OSBPL9: variants seen among roughly 807,000 people sequenced by gnomAD.
The protein encoded by OSBPL9 is oxysterol binding protein like 9, also known as oxysterol-binding protein-related protein 9.
Under a neutral mutation model 106.6 loss-of-function variants are expected in OSBPL9, and 40 were observed. The ratio of observed to expected loss-of-function variants is 0.38; its 90% CI spans 0.29 to 0.49. The LOEUF is 0.49. Among genes scored for constraint, OSBPL9 ranks in the 20% least tolerant of loss-of-function variants. The pLI is 0.97. For missense variants in OSBPL9, 609 were observed against 887.2 expected, an observed-to-expected ratio of 0.69 and a Z score of 3.98; for synonymous variants, 269 against 295.4, an observed-to-expected ratio of 0.91 and a Z score of 0.92.
At chr1:51,776,156 TTTC>T (rs1414084434) in intron 14 of OSBPL9, among the ~76,000 whole-genome samples, 3 of 152,334 alleles carry the variant, frequency 2.0e-5, no homozygotes, top group South Asian at 4.1e-4. Flanking sequence ...TCTGTATTCT[TTTC>T]TTCTTTTTGT....
intron 9 of OSBPL9, chr1:51,756,604 G>T: frequency 4.5e-6 from 2 of 445,678 alleles, no homozygotes. Context: ...AACTTGAAGG[G>T]TTAATCATGG....
intron 1 of OSBPL9, among the ~76,000 whole-genome samples, chr1:51,643,668 T>C (rs1645952769): frequency 1.3e-5 from 2 of 152,140 alleles, no homozygotes; most frequent in Non-Finnish European, 2.9e-5. Flanking sequence ...TTTTGCTTGC[T>C]TGCTTGTTTT....
chr1:51,740,071 T>G, intron 4 of OSBPL9: 1 of 1,537,780 alleles, frequency 6.5e-7, no homozygotes, highest in Non-Finnish European at 8.8e-7. Context: ...TACTATTCCT[T>G]TACTTGATTA....
At chr1:51,749,684 A>G (rs1668811540) in intron 7 of OSBPL9, 1 of 197,242 alleles carries the variant, frequency 5.1e-6, no homozygotes, top group East Asian at 1.2e-4. Context: ...TCAGATTCGT[A>G]TGTCTTTCTG....
chr1:51,553,961 G>A, the OSBPL9 span, among the ~76,000 whole-genome samples: 1 of 152,148 alleles, frequency 6.6e-6, no homozygotes, highest in African/African-American at 2.4e-5. Flanking sequence ...TTACAGGCGT[G>A]AGCCACCCCA....
At chr1:51,621,523 A>G (rs929439159) in intron 1 of OSBPL9, among the ~76,000 whole-genome samples, 38 of 151,674 alleles carry the variant, frequency 2.5e-4, no homozygotes, top group African/African-American at 9.0e-4. Context: ...AAAAAAAAAG[A>G]AAGTTAAGGT....
At position 51,687,508 on chromosome 1, in the gene OSBPL9, A is replaced by C. The variant is rs905600794; in HGVS notation, c.241+17996A>C. Among the ~76,000 whole-genome samples, 3 of 152,204 alleles carry C rather than the reference A, an allele frequency of 2.0e-5. No individual in the cohort carries two copies. The East Asian group carries it at 5.8e-4, about 29-fold the overall frequency. ...CAAGGAAAAGCTTCACAGAAGAGAT[A>C]ATGTTTGATGTGGGTTTTGAAGGAT... On this transcript the variant is annotated intron_variant, in intron 3 of 23. Transcript: ENST00000428468.
the OSBPL9 span, among the ~76,000 whole-genome samples, chr1:51,532,130 A>AT: frequency 1.3e-5 from 2 of 152,192 alleles, no homozygotes; most frequent in Non-Finnish European, 2.9e-5. Flanking sequence ...GAAAAGTATA[A>AT]TTAGAGGAGG....
chr1:51,719,325 G>T (rs1370625472), intron 4 of OSBPL9, among the ~76,000 whole-genome samples: 3 of 152,184 alleles, frequency 2.0e-5, no homozygotes, highest in African/African-American at 7.2e-5. Flanking sequence ...CAAAGAGGAA[G>T]TTCCTTGAAG....
chr1:51,603,663 T>G (rs1645333929), intron 2 of OSBPL9, among the ~76,000 whole-genome samples: 1 of 152,200 alleles, frequency 6.6e-6, no homozygotes, highest in Admixed American at 6.5e-5. Flanking sequence ...CGCCAATATT[T>G]TAGGAGATAC....
chr1:51,573,624 G>A (rs1270483414), upstream of OSBPL9, among the ~76,000 whole-genome samples: 2 of 151,386 alleles, frequency 1.3e-5, no homozygotes, highest in Non-Finnish European at 2.9e-5. Flanking sequence ...GACCATCCTG[G>A]CCAACATGGT....
At chr1:51,662,639 A>C (rs1386846205) in intron 2 of OSBPL9, among the ~76,000 whole-genome samples, 1 of 152,158 alleles carries the variant, frequency 6.6e-6, no homozygotes, top group Non-Finnish European at 1.5e-5. Flanking sequence ...AACTTAATCG[A>C]GCATATGGAA....
intron 11 of OSBPL9, among the ~76,000 whole-genome samples, chr1:51,762,236 T>C (rs1671675900): frequency 6.6e-6 from 1 of 152,134 alleles, no homozygotes; most frequent in African/African-American, 2.4e-5. Flanking sequence ...CAGGCTGGAG[T>C]GCAGTGGTAC....
the OSBPL9 span, among the ~76,000 whole-genome samples, chr1:51,518,740 G>A: frequency 5.3e-5 from 8 of 152,060 alleles, no homozygotes; most frequent in Admixed American, 1.3e-4. Context: ...CCTACTGGGG[G>A]CGGCGCGCAG....
chr1:51,547,214 A>G, the OSBPL9 span, among the ~76,000 whole-genome samples: 1 of 152,200 alleles, frequency 6.6e-6, no homozygotes, highest in African/African-American at 2.4e-5. Context: ...ATTGTGTGCT[A>G]TTTATGGTCA....
At chr1:51,536,842 C>T in the OSBPL9 span, among the ~76,000 whole-genome samples, 2 of 152,160 alleles carry the variant, frequency 1.3e-5, no homozygotes, top group East Asian at 1.9e-4. Flanking sequence ...TGGGGAGAAA[C>T]GTGGTGTCAC....
At chr1:51,525,319 G>C in the OSBPL9 span, among the ~76,000 whole-genome samples, 1 of 152,306 alleles carries the variant, frequency 6.6e-6, no homozygotes, top group South Asian at 2.1e-4. Context: ...TAGTGTGAGA[G>C]AGCCTGGTTC....
At chr1:51,581,691 T>C (rs1645222364) in intron 1 of OSBPL9, among the ~76,000 whole-genome samples, 1 of 152,262 alleles carries the variant, frequency 6.6e-6, no homozygotes, top group Admixed American at 6.5e-5. Context: ...GGTCTCACCC[T>C]GTCACCCAGG....
chr1:51,636,152 G>GTT lies in OSBPL9; in HGVS notation c.112-15814_112-15813dup, dbSNP rs35303378. Reference sequence around the variant, plus strand: ...CTTCCTTCCTTCCTCTCTCTCTCTTGTTTTTTTTTTTTTTTTTTTTTTTTT... The same window carrying GTT: ...CTTCCTTCCTTCCTCTCTCTCTCTTGTTTTTTTTTTTTTTTTTTTTTTTTTTT... On this transcript the variant is annotated intron_variant, in intron 1 of 23. Transcript: ENST00000428468. Among the ~76,000 whole-genome samples, 89 of 64,104 alleles carry GTT rather than the reference G, an allele frequency of 1.4e-3. 4 individuals are homozygous for GTT. The highest frequency in any genetic ancestry group is 4.9e-3 in the East Asian group (10 of 2,046). The allele number at this position is 64,104 out of a possible 152,430, so 42.1% of individuals were successfully genotyped here.
Sources: allele counts gnomAD v4.1 joint callset (sites outside exome capture counted in the v4.1 genomes callset), GRCh38; gene constraint gnomAD v4.1.1; transcripts MANE v1.5; gene names NCBI Gene and HGNC (gene_info 2026-07-23, HGNC 2026-07-21).